Variants in RTTN observed in about 807,000 individuals in gnomAD.
RTTN encodes rotatin.
RTTN carries 182 observed loss-of-function variants against 269.2 expected under a neutral mutation model. The observed-to-expected ratio is 0.68, with a 90% CI of 0.60 to 0.76. RTTN has a LOEUF of 0.76. RTTN is among the 30% of genes least tolerant of loss of function. The pLI is 0.00. For missense variants in RTTN, 2,545 were observed against 2,608.6 expected (o/e 0.98, Z 0.53); for synonymous variants, 1,006 against 963.5 (o/e 1.04, Z -0.82).
chr18:70,058,075 A>G (rs2057868959), intron 36 of RTTN, among the ~76,000 whole-genome samples: 2 of 152,254 alleles, frequency 1.3e-5, no homozygotes, highest in Admixed American at 1.3e-4. Context: ...TGAAGAAAAT[A>G]TCTAAGGAAA....
At chr18:70,070,082 A>C (rs1310920054) in intron 34 of RTTN, among the ~76,000 whole-genome samples, 1 of 152,240 alleles carries the variant, frequency 6.6e-6, no homozygotes, top group African/African-American at 2.4e-5. Flanking sequence ...TGTAAAAAAA[A>C]GAAAGCTCAG....
chr18:70,074,111 T>A, intron 33 of RTTN, 117 bp from the exon 34 acceptor site: 1 of 597,750 alleles, frequency 1.7e-6, no homozygotes, highest in Non-Finnish European at 2.9e-6. Flanking sequence ...AAAACTTATA[T>A]GGATCTGGCT....
intron 17 of RTTN, among the ~76,000 whole-genome samples, chr18:70,148,481 G>T (rs2060453060): frequency 6.6e-6 from 1 of 152,174 alleles, no homozygotes; most frequent in Admixed American, 6.5e-5. Context: ...TCTGGTATTT[G>T]AGACAACTGG....
intron 14 of RTTN, among the ~76,000 whole-genome samples, chr18:70,165,104 A>G (rs917903647): frequency 2.4e-4 from 37 of 152,162 alleles, no homozygotes; most frequent in African/African-American, 8.7e-4. Flanking sequence ...ACGTATGCAC[A>G]CAGTCACAGA....
At chr18:70,124,134 T>C (rs2059804839) in intron 25 of RTTN, among the ~76,000 whole-genome samples, 1 of 151,922 alleles carries the variant, frequency 6.6e-6, no homozygotes, top group Non-Finnish European at 1.5e-5. Context: ...ATTATAGTTA[T>C]GTTTAAATGA....
Position 70,205,078 on chromosome 18 carries a change from A to C in RTTN, c.219+50T>G, listed in dbSNP as rs780188394. On this transcript the variant is annotated intron_variant, in intron 2 of 48. Transcript: ENST00000640769. ...AATAAACGCTACAATTAAATGACTA[A>C]GAAACAAGTCACTCGTCTGATTATT... 6 of 1,548,468 alleles carry C rather than the reference A, an allele frequency of 3.9e-6. No individual in the cohort carries two copies. The East Asian group carries it at 9.0e-5, about 23-fold the overall frequency.
chr18:70,137,703 T>C (rs1204772818), intron 21 of RTTN, among the ~76,000 whole-genome samples: 1 of 152,150 alleles, frequency 6.6e-6, no homozygotes, highest in Non-Finnish European at 1.5e-5. Flanking sequence ...TTTCTGAAAT[T>C]CCATCTTAGA....
chr18:70,099,667 CTGAAT>C (rs1404673999), intron 28 of RTTN, among the ~76,000 whole-genome samples: 1 of 152,124 alleles, frequency 6.6e-6, no homozygotes, highest in African/African-American at 2.4e-5. Context: ...TGCCTATGTC[CTGAAT>C]GGTATTGCCT....
At position 70,109,502 on chromosome 18, in the gene RTTN, A is replaced by G. The variant is rs2059405154; in HGVS notation, c.3899T>C (p.Leu1300Pro). 2 of 1,613,564 alleles carry G rather than the reference A, an allele frequency of 1.2e-6. No homozygotes were observed. Among genetic ancestry groups the G allele is most frequent in the Non-Finnish European group, 1.7e-6 (2 of 1,179,550 alleles). ...DICVKYLSGL[L>P]EVITSFYVER... ...CCATATGCTATTTTTACTTACCTCA[A>G]GGAGACCTGACAAGTACTTCACACA... Residue 1300 changes from leucine (L) to proline (P), a missense_variant, in exon 28 of 49, where the codon CTT becomes CCT. Leu to Pro is a moderately conservative substitution (Grantham distance 98, BLOSUM62 -3). Transcript: ENST00000640769.
At chr18:70,065,254 T>C (rs574166765) in intron 35 of RTTN, among the ~76,000 whole-genome samples, 3 of 136,686 alleles carry the variant, frequency 2.2e-5, no homozygotes, top group East Asian at 2.2e-4. Context: ...ATAAGGCTTA[T>C]ATACTCTCTA....
chr18:70,090,147 C>A (rs565279881), intron 30 of RTTN, among the ~76,000 whole-genome samples: 1 of 152,224 alleles, frequency 6.6e-6, no homozygotes, highest in East Asian at 1.9e-4. Flanking sequence ...GAGAAAGATG[C>A]AGAGAATGAA....
chr18:70,171,163 T>C (rs1353089986), intron 11 of RTTN, among the ~76,000 whole-genome samples: 1 of 152,168 alleles, frequency 6.6e-6, no homozygotes, highest in Non-Finnish European at 1.5e-5. Flanking sequence ...CATCAACAAA[T>C]AGATGGCATT....
chr18:70,144,431 C>T (rs2060336324), intron 18 of RTTN, among the ~76,000 whole-genome samples: 1 of 152,144 alleles, frequency 6.6e-6, no homozygotes, highest in Non-Finnish European at 1.5e-5. Context: ...AAAGCTACCC[C>T]CCAGACAAGT....
intron 46 of RTTN, 98 bp downstream of exon 46, chr18:70,017,309 A>T: frequency 8.2e-7 from 1 of 1,216,830 alleles, no homozygotes. Flanking sequence ...TGGGTGCTTA[A>T]TAAATGCCTA....
chr18:70,095,680 T>C (rs780169118), intron 28 of RTTN, among the ~76,000 whole-genome samples: 2 of 152,200 alleles, frequency 1.3e-5, no homozygotes, highest in Non-Finnish European at 2.9e-5. Flanking sequence ...CTAACAGGGA[T>C]GGGCTTCCCT....
chr18:70,128,242 C>T, intron 24 of RTTN, 116 bp downstream of exon 24: 1 of 731,276 alleles, frequency 1.4e-6, no homozygotes, highest in Non-Finnish European at 2.2e-6. Flanking sequence ...TGTTAAAAAG[C>T]AGAATCAGAT....
Position 70,017,535 on chromosome 18 carries a change from A to C in RTTN, c.6293T>G (p.Leu2098Arg). 1 of 1,614,094 alleles carries C rather than the reference A, an allele frequency of 6.2e-7. No homozygotes were observed. Among genetic ancestry groups the C allele is most frequent in the Non-Finnish European group, 8.5e-7 (1 of 1,179,988 alleles). ...TGTTAGTAAGTCTAGACAGCCATCAAGCCTCAGAATCATTTGTTGCCCATC... is the reference window on the plus strand; with the variant it reads ...TGTTAGTAAGTCTAGACAGCCATCACGCCTCAGAATCATTTGTTGCCCATC... Reference protein sequence around the residue: ...GEDGQQMILRLDGCLDLLTEM... With the variant: ...GEDGQQMILRRDGCLDLLTEM... Residue 2098 changes from leucine (L) to arginine (R), a missense_variant, in exon 46 of 49, where the codon CTT (leucine) becomes CGT (arginine). Physicochemically the swap from Leu to Arg is moderately radical, Grantham distance 102 (BLOSUM62 -2). Coordinates refer to ENST00000640769, the MANE Select transcript of RTTN (RefSeq NM_173630.4).
rs763681663 is a variant in RTTN at position 70,128,439 on chromosome 18, A to C, written c.3062T>G (p.Leu1021Arg). 1 of 1,613,418 alleles carries C rather than the reference A, an allele frequency of 6.2e-7. No homozygotes were observed. Among genetic ancestry groups the C allele is most frequent in the South Asian group, 1.1e-5 (1 of 91,056 alleles). Residue 1021 changes from leucine (L) to arginine (R), a missense_variant, in exon 24 of 49, where the codon CTG (leucine) becomes CGG (arginine). Coordinates refer to ENST00000640769, the MANE Select transcript of RTTN (RefSeq NM_173630.4). Reference protein sequence around the residue: ...CLALKPVSDMLRIAWNLSWYH... With the variant: ...CLALKPVSDMRRIAWNLSWYH... ...CCATGACAGGTTCCAAGCTATTCTC[A>C]GCATATCTGACACCGGCTTCAAGGC...
At chr18:70,133,814 G>A (rs1206199183) in intron 23 of RTTN, among the ~76,000 whole-genome samples, 1 of 151,980 alleles carries the variant, frequency 6.6e-6, no homozygotes. Flanking sequence ...AAAATTCAAG[G>A]GCTGTACCCT....
Sources: allele counts gnomAD v4.1 joint callset (sites outside exome capture counted in the v4.1 genomes callset), GRCh38; gene constraint gnomAD v4.1.1; transcripts MANE v1.5; gene names NCBI Gene and HGNC (gene_info 2026-07-23, HGNC 2026-07-21).